Variants in RNGTT observed in about 807,000 individuals in gnomAD.
The protein encoded by RNGTT is RNA guanylyltransferase and 5'-phosphatase, also known as mRNA-capping enzyme.
Under a neutral mutation model 79.3 loss-of-function variants are expected in RNGTT, and 33 were observed. That is an observed-to-expected ratio of 0.42 (90% confidence interval 0.32 to 0.56). RNGTT has a LOEUF of 0.56. RNGTT is among the 20% of genes least tolerant of loss of function. The pLI, the probability that RNGTT is intolerant of heterozygous loss-of-function variation, is 0.17. For missense variants in RNGTT, 497 were observed against 739.1 expected (o/e 0.67, Z 3.80); for synonymous variants, 222 against 235.9 (o/e 0.94, Z 0.54).
At chr6:88,707,933 T>A (rs1420162030) in intron 13 of RNGTT, among the ~76,000 whole-genome samples, 1 of 151,852 alleles carries the variant, frequency 6.6e-6, no homozygotes, top group East Asian at 1.9e-4. Flanking sequence ...TTCAAAATAT[T>A]ATGTTTTAAT....
chr6:88,669,580 A>G (rs1774551130), intron 14 of RNGTT, among the ~76,000 whole-genome samples: 1 of 152,240 alleles, frequency 6.6e-6, no homozygotes, highest in African/African-American at 2.4e-5. Context: ...AACCATATTG[A>G]GAAGAACCCA....
At chr6:88,896,803 A>G (rs1783265392) in intron 6 of RNGTT, among the ~76,000 whole-genome samples, 1 of 152,228 alleles carries the variant, frequency 6.6e-6, no homozygotes, top group Admixed American at 6.5e-5. Context: ...TCATCAAAAA[A>G]AGTTGGTCTT....
At chr6:88,685,459 T>C (rs1775241392) in intron 13 of RNGTT, among the ~76,000 whole-genome samples, 1 of 151,802 alleles carries the variant, frequency 6.6e-6, no homozygotes, top group Non-Finnish European at 1.5e-5. Flanking sequence ...ATGTCATTAA[T>C]TTTTTTAAAA....
At chr6:88,823,565 A>G (rs1031427640) in intron 11 of RNGTT, among the ~76,000 whole-genome samples, 2 of 152,214 alleles carry the variant, frequency 1.3e-5, no homozygotes, top group East Asian at 3.8e-4. Flanking sequence ...CTTCTCCAAC[A>G]AAATAAAGAG....
In RNGTT at chr6:88,891,919, T is replaced by A. The variant is rs1562305593; in HGVS notation, c.685-4A>T. 359 of 1,328,230 alleles carry A rather than the reference T, an allele frequency of 2.7e-4. No individual in the cohort carries two copies. Among genetic ancestry groups the A allele is most frequent in the South Asian group, 5.1e-4 (33 of 65,242 alleles). 82.3% of individuals were successfully genotyped at this position (1,328,230 alleles called of 1,614,324 possible). ...CACCTTCCAAGAAAATAGCGCCCTT[T>A]AAAAAAAAAATAAGAAAAATAAGGG... On this transcript the variant is annotated splice_region_variant and splice_polypyrimidine_tract_variant and intron_variant, in intron 6 of 15. Transcript: ENST00000369485.
At chr6:88,856,084 T>C (rs970089870) in intron 8 of RNGTT, among the ~76,000 whole-genome samples, 3 of 152,200 alleles carry the variant, frequency 2.0e-5, no homozygotes, top group Non-Finnish European at 4.4e-5. Context: ...ATCTTTCTCT[T>C]AGAACGTCAA....
intron 1 of RNGTT, among the ~76,000 whole-genome samples, chr6:88,961,494 T>C (rs2127968488): frequency 6.6e-6 from 1 of 152,094 alleles, no homozygotes; most frequent in South Asian, 2.1e-4. Flanking sequence ...TGGAGTGCAG[T>C]GGTGCAATCT....
intron 13 of RNGTT, among the ~76,000 whole-genome samples, chr6:88,749,274 A>G (rs776528154): frequency 1.3e-5 from 2 of 152,156 alleles, no homozygotes; most frequent in African/African-American, 2.4e-5. Flanking sequence ...TCAAATATTG[A>G]CTGTATGTAA....
intron 13 of RNGTT, among the ~76,000 whole-genome samples, chr6:88,722,142 C>T (rs1233093843): frequency 1.3e-5 from 2 of 150,014 alleles, no homozygotes; most frequent in South Asian, 2.1e-4. Context: ...TCTAAGACTG[C>T]GTTTAAATAG....
intron 14 of RNGTT, among the ~76,000 whole-genome samples, chr6:88,632,621 T>C (rs1772943122): frequency 6.6e-6 from 1 of 151,794 alleles, no homozygotes; most frequent in African/African-American, 2.4e-5. Context: ...CTTTGTGCTA[T>C]TTTCTCTTCT....
At chr6:88,686,245 TAA>T (rs1393260329) in intron 13 of RNGTT, among the ~76,000 whole-genome samples, 3 of 151,788 alleles carry the variant, frequency 2.0e-5, no homozygotes, top group Non-Finnish European at 2.9e-5. Context: ...CCTTAATTAA[TAA>T]AAGTATCAAA....
chr6:88,847,907 A>C, intron 10 of RNGTT, among the ~76,000 whole-genome samples: 1 of 151,990 alleles, frequency 6.6e-6, no homozygotes, highest in East Asian at 1.9e-4. Flanking sequence ...ACAGAAAACC[A>C]AATAGAACAA....
At chr6:88,671,313 A>G (rs917183548) in intron 14 of RNGTT, among the ~76,000 whole-genome samples, 1 of 152,228 alleles carries the variant, frequency 6.6e-6, no homozygotes, top group Non-Finnish European at 1.5e-5. Flanking sequence ...ACCAACAGTG[A>G]CCAAGCTGAG....
intron 8 of RNGTT, among the ~76,000 whole-genome samples, chr6:88,854,910 T>G (rs1212981010): frequency 6.6e-6 from 1 of 152,140 alleles, no homozygotes; most frequent in Non-Finnish European, 1.5e-5. Flanking sequence ...AAATGGATAA[T>G]AAGAAGACTT....
intron 2 of RNGTT, among the ~76,000 whole-genome samples, chr6:88,934,855 C>T (rs1562053762): frequency 2.0e-5 from 3 of 152,090 alleles, no homozygotes; most frequent in South Asian, 2.1e-4. Flanking sequence ...CTCAAGCAAT[C>T]CTCCCACCTT....
Position 88,614,408 on chromosome 6 carries a change from A to C in RNGTT, c.1507-13T>G. The C allele has an allele frequency of 6.2e-7, 1 of 1,611,498 alleles. No homozygotes were observed. Among genetic ancestry groups the C allele is most frequent in the Non-Finnish European group, 8.5e-7 (1 of 1,178,532 alleles). On this transcript the variant is annotated splice_polypyrimidine_tract_variant and intron_variant, in intron 14 of 15. Coordinates refer to ENST00000369485, the MANE Select transcript of RNGTT (RefSeq NM_003800.5). ...GCTCTTTTGTCACCTGTTTTGAAAG[A>C]GAATTGAGGAAAATATTTAAATAAC... is the stretch of plus-strand genomic sequence containing the variant.
chr6:88,688,022 T>C (rs1775343087), intron 13 of RNGTT, among the ~76,000 whole-genome samples: 1 of 152,074 alleles, frequency 6.6e-6, no homozygotes, highest in Non-Finnish European at 1.5e-5. Context: ...ATAATACACA[T>C]GAAGGGGGAT....
At chr6:88,849,730 T>C (rs760352541) in intron 10 of RNGTT, 25 bp downstream of exon 10, 16 of 1,497,676 alleles carry the variant, frequency 1.1e-5, no homozygotes, top group Non-Finnish European at 1.4e-5. Flanking sequence ...TAATAACTTG[T>C]ATTTTATAAA....
At chr6:88,685,835 T>C (rs934471436) in intron 13 of RNGTT, among the ~76,000 whole-genome samples, 2 of 151,892 alleles carry the variant, frequency 1.3e-5, no homozygotes, top group African/African-American at 4.8e-5. Flanking sequence ...AATCAAATCC[T>C]AGAGGAAACA....
Sources: allele counts gnomAD v4.1 joint callset (sites outside exome capture counted in the v4.1 genomes callset), GRCh38; gene constraint gnomAD v4.1.1; transcripts MANE v1.5; gene names NCBI Gene and HGNC (gene_info 2026-07-23, HGNC 2026-07-21).